PLEKHA8: variants seen among roughly 807,000 people sequenced by gnomAD.
The protein encoded by PLEKHA8 is pleckstrin homology domain containing A8.
In PLEKHA8, 36 loss-of-function variants were observed where a neutral mutation model predicts 68.2. The observed-to-expected ratio is 0.53, with a 90% CI of 0.40 to 0.70. The LOEUF is 0.70. PLEKHA8 is among the 30% of genes least tolerant of loss of function. The pLI, the probability that PLEKHA8 is intolerant of heterozygous loss-of-function variation, is 0.00. For synonymous variants in PLEKHA8, 211 were observed against 216.1 expected, an observed-to-expected ratio of 0.98 and a Z score of 0.20; for missense variants, 505 against 615.4, an observed-to-expected ratio of 0.82 and a Z score of 1.90.
chr7:30,054,207 A>G (rs548536181), intron 7 of PLEKHA8, among the ~76,000 whole-genome samples: 21 of 152,338 alleles, frequency 1.4e-4, no homozygotes, highest in Admixed American at 3.3e-4. Flanking sequence ...ACATTGCTCT[A>G]CCTCAGCTAG....
At chr7:30,037,385 T>C (rs189282473) in intron 1 of PLEKHA8, among the ~76,000 whole-genome samples, 292 of 152,286 alleles carry the variant, frequency 1.9e-3, no homozygotes, top group African/African-American at 6.7e-3. Flanking sequence ...CCCAAGCTGG[T>C]CTTGAACTCC....
intron 12 of PLEKHA8, among the ~76,000 whole-genome samples, chr7:30,071,655 C>G (rs1794245549): frequency 6.6e-6 from 1 of 152,222 alleles, no homozygotes; most frequent in Admixed American, 6.5e-5. Flanking sequence ...GTGTGGTAGA[C>G]TTGCCCTGAA....
chr7:30,090,193 A>T lies in PLEKHA8; in HGVS notation c.*18A>T, dbSNP rs1192743464. Reference sequence around the variant, plus strand: ...ACACTTGACACCAAAACATACCCTGATGAAGATCCTGAACTTCAAGAATGA... The same window carrying T: ...ACACTTGACACCAAAACATACCCTGTTGAAGATCCTGAACTTCAAGAATGA... On this transcript the variant is annotated 3_prime_UTR_variant, in exon 13 of 13. Transcript: ENST00000258679. 7 of 1,549,542 alleles carry T rather than the reference A, an allele frequency of 4.5e-6. No individual in the cohort carries two copies. In the African/African-American group the frequency reaches 8.2e-5, roughly 18 times the overall value.
At chr7:30,109,630 T>G (rs1796201992) in intron 13 of PLEKHA8, among the ~76,000 whole-genome samples, 1 of 144,602 alleles carries the variant, frequency 6.9e-6, no homozygotes, top group East Asian at 2.1e-4. Flanking sequence ...GAGATTAACA[T>G]TGTGTAACTA....
At chr7:30,098,596 T>C (rs1795723504) in intron 13 of PLEKHA8, among the ~76,000 whole-genome samples, 1 of 152,232 alleles carries the variant, frequency 6.6e-6, no homozygotes, top group South Asian at 2.1e-4. Context: ...GTGCTAGCAA[T>C]GAGCGAGGCT....
rs1028411325 is a variant in PLEKHA8, at chr7:30,035,693, G to A, written c.40+6891G>A. ...GGAGTGTTGCTCTGTCGCCCAGGCT[G>A]GAGTGCAGTGGCACAATGTCGGCTC... On this transcript the variant is annotated intron_variant, in intron 1 of 13. Coordinates refer to ENST00000449726, the MANE Select transcript of PLEKHA8 (RefSeq NM_001197026.2). Among the ~76,000 whole-genome samples, 8 of 152,130 alleles carry A rather than the reference G, an allele frequency of 5.3e-5. No homozygotes were observed. In the South Asian group the frequency reaches 1.2e-3, roughly 24 times the overall value.
At chr7:30,070,477 G>A (rs1025311448) in intron 12 of PLEKHA8, among the ~76,000 whole-genome samples, 4 of 151,762 alleles carry the variant, frequency 2.6e-5, no homozygotes, top group African/African-American at 7.3e-5. Context: ...TTTTTTGAAC[G>A]GTTAACTTGA....
chr7:30,122,156 T>C (rs1796707033), intron 13 of PLEKHA8, among the ~76,000 whole-genome samples: 2 of 152,222 alleles, frequency 1.3e-5, no homozygotes. Context: ...TCAGAACACA[T>C]TGGCTTAGAA....
chr7:30,052,911 A>C, intron 7 of PLEKHA8, 45 bp downstream of exon 7: 1 of 1,496,906 alleles, frequency 6.7e-7, no homozygotes, highest in Non-Finnish European at 9.0e-7. Context: ...TTTAGATGAT[A>C]GAAAATTTGG....
Position 30,081,772 on chromosome 7 carries a change from G to T in PLEKHA8, c.*2985G>T, listed in dbSNP as rs1794943585. The T allele has an allele frequency of 1.0e-6, 1 of 985,274 alleles. No individual in the cohort carries two copies. Among genetic ancestry groups the T allele is most frequent in the African/African-American group, 1.7e-5 (1 of 57,320 alleles). 61.0% of individuals were successfully genotyped at this position (985,274 alleles called of 1,614,324 possible). A position where few individuals can be genotyped will look rare whatever the true frequency, so the allele number is the denominator to read the frequency against. ...TGTAGACACAAATAAGTAACATTAG[G>T]CTAACCCCTTATGAGACATTTCCAC... is the stretch of plus-strand genomic sequence containing the variant. On this transcript the variant is annotated 3_prime_UTR_variant, in exon 14 of 14. Transcript: ENST00000449726.
intron 13 of PLEKHA8, among the ~76,000 whole-genome samples, chr7:30,078,316 T>A (rs1483709932): frequency 6.6e-6 from 1 of 152,072 alleles, no homozygotes; most frequent in East Asian, 1.9e-4. Context: ...TCTCAGACTC[T>A]CTCTCTCAGC....
chr7:30,064,585 G>A (rs564122826), intron 12 of PLEKHA8, among the ~76,000 whole-genome samples: 6 of 152,142 alleles, frequency 3.9e-5, no homozygotes, highest in East Asian at 1.9e-4. Flanking sequence ...ATGCTCAGTC[G>A]TCAAGATTAG....
At position 30,054,729 on chromosome 7, in the gene PLEKHA8, G is replaced by A; in HGVS notation, c.817G>A (p.Glu273Lys). ...TGCAGTCCAAGGTGAAATAAGGAAG[G>A]AAGATGGAATGGAAAACCTGAAAAA... ...NITVQGEIRK[E>K]DGMENLKNHD... The change falls in exon 8 of 14, where the codon GAA becomes AAA. Residue 273 changes from glutamate (E) to lysine (K), a missense_variant. Coordinates refer to ENST00000449726, the MANE Select transcript of PLEKHA8 (RefSeq NM_001197026.2). 1 of 1,595,416 alleles carries A rather than the reference G, an allele frequency of 6.3e-7. No individual in the cohort carries two copies. The highest frequency in any genetic ancestry group is 8.6e-7 in the Non-Finnish European group (1 of 1,168,244).
At chr7:30,031,871 G>T (rs549019671) in intron 1 of PLEKHA8, among the ~76,000 whole-genome samples, 1 of 151,952 alleles carries the variant, frequency 6.6e-6, no homozygotes, top group Non-Finnish European at 1.5e-5. Context: ...TGATAATAGC[G>T]TCTGAGGTTT....
At chr7:30,045,557 A>T (rs1008538457) in intron 2 of PLEKHA8, among the ~76,000 whole-genome samples, 3 of 152,186 alleles carry the variant, frequency 2.0e-5, no homozygotes, top group African/African-American at 4.8e-5. Flanking sequence ...ACACACACAC[A>T]CACCCTCCAC....
chr7:30,107,120 G>T (rs963312392), intron 13 of PLEKHA8, among the ~76,000 whole-genome samples: 3 of 151,982 alleles, frequency 2.0e-5, no homozygotes, highest in Non-Finnish European at 4.4e-5. Context: ...CTGACTTTGG[G>T]AGAAATCGCT....
intron 1 of PLEKHA8, among the ~76,000 whole-genome samples, chr7:30,039,466 G>A (rs923369567): frequency 6.6e-5 from 10 of 152,204 alleles, no homozygotes; most frequent in African/African-American, 2.4e-4. Flanking sequence ...AGTGAGCTGA[G>A]GTCACGCTGT....
downstream of PLEKHA8, among the ~76,000 whole-genome samples, chr7:30,095,699 G>A (rs1295356089): frequency 2.6e-5 from 4 of 152,142 alleles, no homozygotes; most frequent in Admixed American, 6.5e-5. Context: ...ATTAATTTTT[G>A]TATAAGGTGT....
chr7:30,048,624 T>G (rs1328852915), intron 4 of PLEKHA8, among the ~76,000 whole-genome samples: 1 of 152,266 alleles, frequency 6.6e-6, no homozygotes, highest in Non-Finnish European at 1.5e-5. Flanking sequence ...AACCAGAGTC[T>G]CTGCTCTGCT....
Sources: allele counts gnomAD v4.1 joint callset (sites outside exome capture counted in the v4.1 genomes callset), GRCh38; gene constraint gnomAD v4.1.1; transcripts MANE v1.5; gene names NCBI Gene and HGNC (gene_info 2026-07-23, HGNC 2026-07-21).